The following CAMK4 variants were observed in gnomAD, a reference collection of about 807,000 sequenced individuals.
The protein encoded by CAMK4 is calcium/calmodulin dependent protein kinase IV.
A neutral mutation model predicts 44.9 loss-of-function variants in CAMK4; 22 were observed. The observed-to-expected ratio is 0.49, with a 90% CI of 0.35 to 0.70. The LOEUF (loss-of-function observed/expected upper bound fraction) is 0.70. CAMK4 is among the 30% of genes least tolerant of loss of function. CAMK4 has a pLI of 0.01. For missense variants in CAMK4, 498 were observed against 586.8 expected (o/e 0.85, Z 1.56); for synonymous variants, 218 against 215.4 (o/e 1.01, Z -0.11).
intron 1 of CAMK4, among the ~76,000 whole-genome samples, chr5:111,266,752 T>C (rs1750264527): frequency 6.6e-6 from 1 of 152,256 alleles, no homozygotes; most frequent in Non-Finnish European, 1.5e-5. Context: ...AATATTTTGA[T>C]TGGCCCTATG....
At chr5:111,260,177 C>G (rs1749915381) in intron 1 of CAMK4, among the ~76,000 whole-genome samples, 1 of 152,118 alleles carries the variant, frequency 6.6e-6, no homozygotes, top group Admixed American at 6.6e-5. Flanking sequence ...CTCTCATTGT[C>G]TTGACTGTCT....
At chr5:111,259,523 A>G (rs1456063220) in intron 1 of CAMK4, among the ~76,000 whole-genome samples, 2 of 152,220 alleles carry the variant, frequency 1.3e-5, no homozygotes, top group Non-Finnish European at 2.9e-5. Context: ...ATTGGAAATG[A>G]TCAGGAATTT....
At chr5:111,294,897 G>A (rs180814537) in intron 1 of CAMK4, among the ~76,000 whole-genome samples, 61 of 152,220 alleles carry the variant, frequency 4.0e-4, no homozygotes, top group Middle Eastern at 3.4e-3. Flanking sequence ...TATGTGCAGT[G>A]CATGAAACTG....
rs953488516 is a variant in CAMK4, at chr5:111,293,300, G to C, written c.162-50724G>C. Among the ~76,000 whole-genome samples, 152 of 152,090 alleles carry C rather than the reference G, an allele frequency of 1.0e-3. 1 individual carries two copies. The highest frequency in any genetic ancestry group is 4.0e-4 in the Non-Finnish European group (27 of 68,006). ...GGCAGAACACCTTCAGTTAAATGTT[G>C]AATAGGACTCTCTAGGAAAATATTA... On this transcript the variant is annotated intron_variant, in intron 1 of 10. Transcript: ENST00000282356.
chr5:111,255,748 C>T (rs1749712689), intron 1 of CAMK4, among the ~76,000 whole-genome samples: 1 of 152,138 alleles, frequency 6.6e-6, no homozygotes, highest in Admixed American at 6.6e-5. Flanking sequence ...TTTATGGATT[C>T]ATTGTATCAT....
chr5:111,369,518 T>A (rs1750925433), intron 2 of CAMK4, among the ~76,000 whole-genome samples: 1 of 152,202 alleles, frequency 6.6e-6, no homozygotes, highest in Non-Finnish European at 1.5e-5. Flanking sequence ...TCTATATTTT[T>A]CAAAATAAAA....
At chr5:111,343,976 T>C in intron 1 of CAMK4, 48 bp from the exon 2 acceptor site, 1 of 1,117,296 alleles carries the variant, frequency 9.0e-7, no homozygotes, top group South Asian at 1.3e-5. Context: ...TCCCCTTTAA[T>C]TCATGTCCAA....
intron 2 of CAMK4, among the ~76,000 whole-genome samples, chr5:111,365,824 C>T (rs141459363): frequency 6.6e-6 from 1 of 152,186 alleles, no homozygotes; most frequent in East Asian, 1.9e-4. Flanking sequence ...GATTAAAATT[C>T]TGTACTTATT....
At chr5:111,446,818 G>A in intron 6 of CAMK4, 42 bp downstream of exon 6, 1 of 1,252,932 alleles carries the variant, frequency 8.0e-7, no homozygotes, top group Non-Finnish European at 1.2e-6. Flanking sequence ...TTTTTTCAGA[G>A]CAGAAAAAAT....
intron 9 of CAMK4, 139 bp downstream of exon 9, chr5:111,478,646 G>A: frequency 2.2e-6 from 1 of 458,970 alleles, no homozygotes; most frequent in South Asian, 3.8e-5. Context: ...AATAAAATTA[G>A]TTCATTAATA....
At chr5:111,283,320 A>C (rs1369675969) in intron 1 of CAMK4, among the ~76,000 whole-genome samples, 1 of 152,234 alleles carries the variant, frequency 6.6e-6, no homozygotes, top group Non-Finnish European at 1.5e-5. Context: ...TACTCTGTGC[A>C]TATAGAAAGG....
At chr5:111,432,654 A>ATG (rs200057213) in intron 5 of CAMK4, among the ~76,000 whole-genome samples, 3,498 of 119,898 alleles carry the variant, frequency 0.029, 147 homozygotes, top group African/African-American at 0.11. Flanking sequence ...ATATGTATAT[A>ATG]TGTGTGTGTA....
At chr5:111,294,047 C>T (rs116837810) in intron 1 of CAMK4, among the ~76,000 whole-genome samples, 190 of 152,142 alleles carry the variant, frequency 1.2e-3, no homozygotes, top group African/African-American at 4.5e-3. Flanking sequence ...GCGCCCGGCC[C>T]TACTTTTTAA....
At position 111,406,744 on chromosome 5, in the gene CAMK4, A is replaced by G. The variant is rs1752449105; in HGVS notation, c.459+11962A>G. On this transcript the variant is annotated intron_variant, in intron 5 of 10. Coordinates refer to ENST00000282356, the MANE Select transcript of CAMK4 (RefSeq NM_001744.6). ...CTCTTTCTGAAAGGTGATTAAGAAA[A>G]GAGGATAATAAAGCAACATCTAACT... 2.6e-5 allele frequency among the ~76,000 whole-genome samples: 4 copies of G among 152,204 alleles called. No homozygotes were observed. In the South Asian group the frequency reaches 8.3e-4, roughly 32 times the overall value.
intron 2 of CAMK4, among the ~76,000 whole-genome samples, chr5:111,373,182 A>G (rs538616783): frequency 6.6e-6 from 1 of 152,326 alleles, no homozygotes; most frequent in Admixed American, 6.5e-5. Flanking sequence ...GATTGCCTGT[A>G]TGAATAACCA....
intron 1 of CAMK4, among the ~76,000 whole-genome samples, chr5:111,231,742 A>C (rs886722529): frequency 4.6e-5 from 7 of 152,216 alleles, no homozygotes; most frequent in Admixed American, 4.6e-4. Flanking sequence ...TTATTTACCA[A>C]GAATACAATT....
intron 7 of CAMK4, among the ~76,000 whole-genome samples, chr5:111,468,619 G>A (rs1754930291): frequency 6.6e-6 from 1 of 152,152 alleles, no homozygotes; most frequent in South Asian, 2.1e-4. Flanking sequence ...CTTGGAAAAG[G>A]CCTGTCTAGA....
chr5:111,271,751 G>T (rs1327743536), intron 1 of CAMK4, among the ~76,000 whole-genome samples: 1 of 152,044 alleles, frequency 6.6e-6, no homozygotes, highest in African/African-American at 2.4e-5. Flanking sequence ...ATCTTTGCTT[G>T]GTTTTTTACC....
Position 111,482,670 on chromosome 5 carries a change from C to A in CAMK4, c.829-115C>A. 2 of 842,760 alleles carry A rather than the reference C, an allele frequency of 2.4e-6. No individual in the cohort carries two copies. The highest frequency in any genetic ancestry group is 3.7e-6 in the Non-Finnish European group (2 of 541,096). 52.2% of individuals were successfully genotyped at this position (842,760 alleles called of 1,614,324 possible). ...GAGGACTTAAACAATTTTTTTCTCA[C>A]ATATATTTAGTGGTACTGCTGGGAA... is the stretch of plus-strand genomic sequence containing the variant. On this transcript the variant is annotated intron_variant, in intron 9 of 10. Transcript: ENST00000282356. The surrounding 1 kb of genome is among the most constrained non-coding windows in gnomAD (Gnocchi z 4.9).
Sources: allele counts gnomAD v4.1 joint callset (sites outside exome capture counted in the v4.1 genomes callset), GRCh38; gene constraint gnomAD v4.1.1; non-coding constraint Gnocchi (gnomAD v3.1); transcripts MANE v1.5; gene names NCBI Gene and HGNC (gene_info 2026-07-23, HGNC 2026-07-21).